Variants in ITGAV observed in about 807,000 individuals in gnomAD.
The protein encoded by ITGAV is integrin subunit alpha V.
In ITGAV, 76 loss-of-function variants were observed where a neutral mutation model predicts 143.8. The observed-to-expected ratio is 0.53, with a 90% confidence interval of 0.44 to 0.64. The LOEUF (loss-of-function observed/expected upper bound fraction) is 0.64. Ranked by LOEUF, ITGAV falls within the 30% of genes least tolerant of loss-of-function variation. The probability of loss-of-function intolerance (pLI) is 0.00; values close to 1 mark genes in which losing one functional copy is unlikely to be tolerated. For missense variants in ITGAV, 1,193 were observed against 1,274.7 expected (o/e 0.94, Z 0.98); for synonymous variants, 453 against 446.7 (o/e 1.01, Z -0.18).
rs140516074 is a variant in ITGAV at position 186,641,482 on chromosome 2, A to G, written c.1053A>G (p.Arg351=). The G allele has an allele frequency of 5.1e-5, 83 of 1,614,130 alleles. No homozygotes were observed. The African/African-American group carries it at 9.9e-4, about 19-fold the overall frequency. The change falls in exon 12 of 30, where the codon AGA becomes AGG. Residue 351 remains arginine (R), a synonymous_variant. Coordinates refer to ENST00000261023, the MANE Select transcript of ITGAV (RefSeq NM_002210.5). ...EVGQVSVSLQ[R]ASGDFQTTKL... ...GGCAGGTCTCAGTGTCTCTACAGAG[A>G]GCTTCAGGAGACTTCCAGACGACAA...
intron 1 of ITGAV, among the ~76,000 whole-genome samples, chr2:186,600,826 G>T (rs1348731074): frequency 6.6e-6 from 1 of 152,124 alleles, no homozygotes; most frequent in African/African-American, 2.4e-5. Flanking sequence ...AGGCGTGGTG[G>T]TGGGCGGCTG....
At chr2:186,615,112 A>G (rs1687315989) in intron 2 of ITGAV, among the ~76,000 whole-genome samples, 1 of 152,146 alleles carries the variant, frequency 6.6e-6, no homozygotes, top group African/African-American at 2.4e-5. Context: ...TATGATACAT[A>G]GTCATTCCTA....
chr2:186,612,969 GA>G (rs1687256382), intron 2 of ITGAV, among the ~76,000 whole-genome samples: 1 of 152,034 alleles, frequency 6.6e-6, no homozygotes, highest in South Asian at 2.1e-4. Flanking sequence ...AAGCAATTTA[GA>G]AATCTTTTAG....
At chr2:186,622,486 C>T (rs1278640829) in intron 3 of ITGAV, 56 bp downstream of exon 3, 1 of 1,141,968 alleles carries the variant, frequency 8.8e-7, no homozygotes, top group Non-Finnish European at 1.3e-6. Context: ...TGTGGAGACA[C>T]AGAAGGTTTT....
intron 17 of ITGAV, among the ~76,000 whole-genome samples, chr2:186,658,442 G>T (rs563560238): frequency 6.6e-6 from 1 of 152,220 alleles, no homozygotes; most frequent in African/African-American, 2.4e-5. Context: ...TGGTACTACA[G>T]AACTGACAAA....
intron 1 of ITGAV, among the ~76,000 whole-genome samples, chr2:186,601,703 TTAAGAG>T (rs1194345313): frequency 1.3e-5 from 2 of 152,060 alleles, no homozygotes; most frequent in Non-Finnish European, 2.9e-5. Context: ...GCATACATTT[TTAAGAG>T]CTTTACTGAG....
intron 1 of ITGAV, among the ~76,000 whole-genome samples, chr2:186,601,659 G>C (rs1390703897): frequency 6.6e-6 from 1 of 150,942 alleles, no homozygotes; most frequent in East Asian, 1.9e-4. Context: ...ACACACACCA[G>C]AACACCAAAA....
Position 186,667,830 on chromosome 2 carries a change from G to A in ITGAV, c.2433+54G>A. 6.4e-6 allele frequency: 7 copies of A among 1,089,964 alleles called. No individual in the cohort carries two copies. In the East Asian group the frequency reaches 1.7e-4, roughly 27 times the overall value. The allele number at this position is 1,089,964 out of a possible 1,614,324, so 67.5% of individuals were successfully genotyped here. A position where few individuals can be genotyped will look rare whatever the true frequency, so the allele number is the denominator to read the frequency against. ...CTCGTGAGCAAGCCAACGAAGAGAG[G>A]AACAACTAAGCTACTTTAAAAAAAA... On this transcript the variant is annotated intron_variant, in intron 24 of 29. Coordinates refer to ENST00000261023, the MANE Select transcript of ITGAV (RefSeq NM_002210.5).
chr2:186,633,710 T>TAGTC (rs1687878518), intron 6 of ITGAV, among the ~76,000 whole-genome samples: 1 of 152,126 alleles, frequency 6.6e-6, no homozygotes, highest in Non-Finnish European at 1.5e-5. Flanking sequence ...GGCCATGACA[T>TAGTC]AGTCATTAGG....
intron 26 of ITGAV, among the ~76,000 whole-genome samples, chr2:186,670,192 G>A (rs943208677): frequency 6.6e-6 from 1 of 152,092 alleles, no homozygotes; most frequent in African/African-American, 2.4e-5. Context: ...TGTTGAGTTA[G>A]CCTATATAAT....
At chr2:186,636,012 A>G in intron 6 of ITGAV, 70 bp from the exon 7 acceptor site, 1 of 1,319,852 alleles carries the variant, frequency 7.6e-7, no homozygotes, top group Non-Finnish European at 1.1e-6. Flanking sequence ...TCATGCAGGT[A>G]CCATACATTA....
At chr2:186,668,287 G>A (rs367663525) in intron 24 of ITGAV, among the ~76,000 whole-genome samples, 45 of 128,772 alleles carry the variant, frequency 3.5e-4, no homozygotes, top group African/African-American at 9.8e-4. Flanking sequence ...GTGCAGTGGC[G>A]CGATCTCAGC....
intron 2 of ITGAV, among the ~76,000 whole-genome samples, chr2:186,617,272 T>G (rs1280383594): frequency 6.6e-6 from 1 of 152,196 alleles, no homozygotes; most frequent in Non-Finnish European, 1.5e-5. Context: ...AAACAAAACA[T>G]TTTGCTTAGG....
intron 26 of ITGAV, 183 bp downstream of exon 26, chr2:186,669,997 G>T (rs1317626220): frequency 1.8e-6 from 1 of 550,264 alleles, no homozygotes; most frequent in South Asian, 2.2e-5. Context: ...TTCTTCAAAT[G>T]AGCTATTTTT....
intron 6 of ITGAV, 50 bp from the exon 7 acceptor site, chr2:186,636,030 CAT>C: frequency 6.7e-7 from 1 of 1,500,622 alleles, no homozygotes; most frequent in Admixed American, 1.9e-5. Flanking sequence ...TTATCTGTAT[CAT>C]AAAGTTTCCA....
chr2:186,610,457 A>G (rs1687185934), intron 2 of ITGAV, among the ~76,000 whole-genome samples: 1 of 152,234 alleles, frequency 6.6e-6, no homozygotes, highest in Non-Finnish European at 1.5e-5. Flanking sequence ...TGTATAAACA[A>G]AGCCACAACT....
At chr2:186,618,999 G>C (rs1330386202) in intron 2 of ITGAV, among the ~76,000 whole-genome samples, 2 of 151,922 alleles carry the variant, frequency 1.3e-5, no homozygotes, top group African/African-American at 4.8e-5. Flanking sequence ...TATGGAATCA[G>C]TTCAGGTGTC....
Position 186,667,193 on chromosome 2 carries a change from G to A in ITGAV, c.2290G>A (p.Val764Ile). The A allele has an allele frequency of 4.3e-6, 7 of 1,612,086 alleles. No homozygotes were observed. The highest frequency in any genetic ancestry group is 5.9e-6 in the Non-Finnish European group (7 of 1,178,914). The change falls in exon 23 of 30, where the codon GTT (valine) becomes ATT (isoleucine). Residue 764 changes from valine (V) to isoleucine (I), a missense_variant. Physicochemically the swap from Val to Ile is conservative, Grantham distance 29 (BLOSUM62 3). Coordinates refer to ENST00000261023, the MANE Select transcript of ITGAV (RefSeq NM_002210.5). The stretch of plus-strand genomic sequence containing the variant: ...AGTAAGCCCAGTTGTATCTCACAAA[G>A]TTGATCTTGCTGTTTTAGCTGCAGT... Reference protein sequence around the residue: ...DKVSPVVSHKVDLAVLAAVEI... With the variant: ...DKVSPVVSHKIDLAVLAAVEI...
intron 1 of ITGAV, among the ~76,000 whole-genome samples, chr2:186,590,857 G>A (rs1290535387): frequency 6.6e-6 from 1 of 152,190 alleles, no homozygotes; most frequent in Non-Finnish European, 1.5e-5. Flanking sequence ...CTGTGCCAGT[G>A]TCGAGGATTT....
Sources: allele counts gnomAD v4.1 joint callset (sites outside exome capture counted in the v4.1 genomes callset), GRCh38; gene constraint gnomAD v4.1.1; transcripts MANE v1.5; gene names NCBI Gene and HGNC (gene_info 2026-07-23, HGNC 2026-07-21).